CDH23: variants seen among roughly 807,000 people sequenced by gnomAD.
CDH23 encodes the protein cadherin-23.
A neutral mutation model predicts 317.1 loss-of-function variants in CDH23; 189 were observed. The ratio of observed to expected loss-of-function variants is 0.60; its 90% CI spans 0.53 to 0.67. The LOEUF (loss-of-function observed/expected upper bound fraction) is 0.67. Ranked by LOEUF, CDH23 falls within the 30% of genes least tolerant of loss-of-function variation. The pLI, the probability that CDH23 is intolerant of heterozygous loss-of-function variation, is 0.00. For missense variants in CDH23, 4,401 were observed against 4,592.4 expected (o/e 0.96, Z 1.20); for synonymous variants, 1,839 against 1,876.8 (o/e 0.98, Z 0.52).
intron 3 of CDH23, among the ~76,000 whole-genome samples, chr10:71,468,388 T>C (rs1194084303): frequency 6.6e-6 from 1 of 152,172 alleles, no homozygotes; most frequent in Non-Finnish European, 1.5e-5. Flanking sequence ...CTTCAGTAGC[T>C]CCTACTGCCC....
At chr10:71,675,745 T>C (rs1461357514) in intron 15 of CDH23, among the ~76,000 whole-genome samples, 2 of 152,258 alleles carry the variant, frequency 1.3e-5, no homozygotes, top group East Asian at 3.9e-4. Context: ...CCAAGAGGGC[T>C]CTCAACATGC....
rs1380502602 is a variant in CDH23, at chr10:71,706,955, G to T, written c.3012G>T (p.Val1004=). The change falls in exon 26 of 70, where the codon GTG becomes GTT. Residue 1004 remains valine (V), a synonymous_variant. Coordinates refer to ENST00000224721, the MANE Select transcript of CDH23 (RefSeq NM_022124.6). ...TFFPAVYNVS[V]SEDVPREFRV... The stretch of plus-strand genomic sequence containing the variant: ...TCCCGGCCGTGTACAATGTGTCTGT[G>T]TCCGAGGACGTGCCACGCGAGTTCC... 6.2e-7 allele frequency: 1 copy of T among 1,606,958 alleles called. No homozygotes were observed. The highest frequency in any genetic ancestry group is 8.5e-7 in the Non-Finnish European group (1 of 1,177,052).
intron 6 of CDH23, among the ~76,000 whole-genome samples, chr10:71,546,952 T>C (rs1439111824): frequency 1.3e-5 from 2 of 152,180 alleles, no homozygotes; most frequent in Non-Finnish European, 2.9e-5. Flanking sequence ...AGCCATCTCA[T>C]TAAATAGGCA....
chr10:71,615,463 C>A, intron 9 of CDH23, 41 bp from the exon 10 acceptor site: 1 of 1,394,172 alleles, frequency 7.2e-7, no homozygotes, highest in Non-Finnish European at 1.0e-6. Context: ...TGCCCCCCTG[C>A]CCTGTGCCTG....
intron 14 of CDH23, among the ~76,000 whole-genome samples, chr10:71,667,791 A>G (rs189153915): frequency 1.3e-5 from 2 of 152,256 alleles, no homozygotes; most frequent in Non-Finnish European, 2.9e-5. Flanking sequence ...CACTGTTGGA[A>G]TAGCGGGTCC....
At chr10:71,698,756 A>G (rs527361152) in intron 22 of CDH23, among the ~76,000 whole-genome samples, 5 of 152,280 alleles carry the variant, frequency 3.3e-5, no homozygotes, top group African/African-American at 1.2e-4. Flanking sequence ...CCCTCTCCAA[A>G]TTCTGTTTCC....
chr10:71,611,804 T>A (rs1369696844), intron 9 of CDH23, among the ~76,000 whole-genome samples: 1 of 152,252 alleles, frequency 6.6e-6, no homozygotes, highest in African/African-American at 2.4e-5. Flanking sequence ...TGTGGTTTTA[T>A]CATGAATGTC....
At chr10:71,492,671 G>T (rs1852729155) in intron 3 of CDH23, among the ~76,000 whole-genome samples, 1 of 152,190 alleles carries the variant, frequency 6.6e-6, no homozygotes, top group Admixed American at 6.5e-5. Flanking sequence ...TTGACCACAG[G>T]CCTGTCTGTG....
chr10:71,558,848 C>T (rs770977339), intron 6 of CDH23, among the ~76,000 whole-genome samples: 5 of 152,196 alleles, frequency 3.3e-5, no homozygotes, highest in Non-Finnish European at 7.3e-5. Flanking sequence ...CTTCAGGAGG[C>T]TGAATGGCTA....
chr10:71,731,058 T>C (rs1839363741), intron 31 of CDH23, among the ~76,000 whole-genome samples: 4 of 152,304 alleles, frequency 2.6e-5, no homozygotes, highest in South Asian at 2.1e-4. Context: ...ACCCTTCCTG[T>C]GCCGCAGGGC....
rs536630981 is a variant in CDH23 at position 71,486,479 on chromosome 10, A to G, written c.146-23603A>G. Among the ~76,000 whole-genome samples, 5 of 152,082 alleles carry G rather than the reference A, an allele frequency of 3.3e-5. No homozygotes were observed. The South Asian group carries it at 1.0e-3, about 32-fold the overall frequency. On this transcript the variant is annotated intron_variant, in intron 3 of 69. Coordinates refer to ENST00000224721, the MANE Select transcript of CDH23 (RefSeq NM_022124.6). ...CAGGAGGCGGGGATTATGAGGGGAC[A>G]CATGACAGGGGCTCGAGGGGACACA...
At chr10:71,433,827 C>T in intron 1 of CDH23, among the ~76,000 whole-genome samples, 1 of 101,108 alleles carries the variant, frequency 9.9e-6, no homozygotes, top group Non-Finnish European at 2.6e-5. Context: ...CACACCGCTC[C>T]CCTGCCTGGA....
In CDH23 at chr10:71,645,866, G is replaced by A. The variant is rs1862822741; in HGVS notation, c.1176G>A (p.Gly392=). The A allele has an allele frequency of 6.2e-7, 1 of 1,612,970 alleles. No homozygotes were observed. The highest frequency in any genetic ancestry group is 8.5e-7 in the Non-Finnish European group (1 of 1,179,232). ...GCATGTTTGAGGTGTACTTGGTGGG[G>A]AACAACTCCCACCACTTCATCATCT... is the stretch of plus-strand genomic sequence containing the variant. ...LNSMFEVYLV[G]NNSHHFIISP... The change falls in exon 13 of 70, where the codon GGG becomes GGA. Residue 392 remains glycine, a synonymous_variant. Transcript: ENST00000224721.
At chr10:71,671,677 C>T (rs1158612456) in intron 14 of CDH23, among the ~76,000 whole-genome samples, 3 of 152,106 alleles carry the variant, frequency 2.0e-5, no homozygotes, top group South Asian at 2.1e-4. Context: ...GGCAGGTGGG[C>T]GGTGGAGCAG....
chr10:71,662,821 C>G (rs1166569694), intron 14 of CDH23, among the ~76,000 whole-genome samples: 1 of 152,190 alleles, frequency 6.6e-6, no homozygotes, highest in African/African-American at 2.4e-5. Context: ...CGGCTTAAAA[C>G]TACAGAAATG....
rs1442031955 is a variant in CDH23, at chr10:71,707,996, G to A, written c.3106+947G>A. The stretch of plus-strand genomic sequence containing the variant: ...CCCTGAAGGGGCCCAGCACCCTCAG[G>A]CCCACTCCTTACAGTCTGGCCCTCA... On this transcript the variant is annotated intron_variant, in intron 26 of 69. Coordinates refer to ENST00000224721, the MANE Select transcript of CDH23 (RefSeq NM_022124.6). Among the ~76,000 whole-genome samples the A allele has an allele frequency of 2.6e-5, 4 of 152,144 alleles. 1 individual carries two copies. The highest frequency in any genetic ancestry group is 2.9e-5 in the Non-Finnish European group (2 of 67,990).
chr10:71,724,005 G>A (rs756446033), intron 28 of CDH23, 40 bp from the exon 29 acceptor site: 2 of 1,550,296 alleles, frequency 1.3e-6, no homozygotes, highest in South Asian at 2.4e-5. Context: ...TCCCTGCTGG[G>A]TGGCATTCAA....
chr10:71,597,807 CT>C (rs1482522965), intron 9 of CDH23, among the ~76,000 whole-genome samples: 7 of 152,334 alleles, frequency 4.6e-5, no homozygotes, highest in Admixed American at 4.6e-4. Context: ...GTACTCACTG[CT>C]GGGGATATGG....
intron 26 of CDH23, among the ~76,000 whole-genome samples, chr10:71,708,565 C>A (rs1849892335): frequency 6.6e-6 from 1 of 152,242 alleles, no homozygotes; most frequent in South Asian, 2.1e-4. Context: ...GCCTTGACTC[C>A]TCCCTCTGTG....
Sources: allele counts gnomAD v4.1 joint callset (sites outside exome capture counted in the v4.1 genomes callset), GRCh38; gene constraint gnomAD v4.1.1; transcripts MANE v1.5; gene names NCBI Gene and HGNC (gene_info 2026-07-23, HGNC 2026-07-21).